The following R3HDM2 variants were observed in gnomAD, a reference collection of about 807,000 sequenced individuals.
R3HDM2 encodes the protein R3H domain containing 2.
A neutral mutation model predicts 124.5 loss-of-function variants in R3HDM2; 38 were observed. The ratio of observed to expected loss-of-function variants is 0.31; its 90% CI spans 0.24 to 0.40. The LOEUF (loss-of-function observed/expected upper bound fraction) is 0.40. Ranked by LOEUF, R3HDM2 falls within the 10% of genes least tolerant of loss-of-function variation. The pLI is 1.00. For synonymous variants in R3HDM2, 391 were observed against 448.0 expected (o/e 0.87, Z 1.61); for missense variants, 869 against 1,236.9 (o/e 0.70, Z 4.46).
intron 2 of R3HDM2, among the ~76,000 whole-genome samples, chr12:57,380,000 T>G (rs2064619709): frequency 6.6e-6 from 1 of 152,148 alleles, no homozygotes; most frequent in Non-Finnish European, 1.5e-5. Flanking sequence ...ACTCAGTAAC[T>G]CCATACATAA....
intron 3 of R3HDM2, among the ~76,000 whole-genome samples, chr12:57,309,757 C>T (rs963669641): frequency 6.6e-6 from 1 of 151,998 alleles, no homozygotes; most frequent in African/African-American, 2.4e-5. Context: ...GAACTCAGGC[C>T]CAAATAGATT....
At chr12:57,355,169 ACTT>A (rs1214844014) in intron 2 of R3HDM2, among the ~76,000 whole-genome samples, 1 of 151,952 alleles carries the variant, frequency 6.6e-6, no homozygotes, top group East Asian at 1.9e-4. Context: ...TTTAAGAAAC[ACTT>A]CTTGGCCGGG....
chr12:57,306,557 C>T (rs1455228812), intron 3 of R3HDM2, among the ~76,000 whole-genome samples: 2 of 151,932 alleles, frequency 1.3e-5, no homozygotes, highest in South Asian at 2.1e-4. Context: ...TACAGGCATG[C>T]GTCACCACAC....
At chr12:57,386,186 C>T (rs1399700510) in intron 2 of R3HDM2, among the ~76,000 whole-genome samples, 1 of 151,962 alleles carries the variant, frequency 6.6e-6, no homozygotes, top group Non-Finnish European at 1.5e-5. Context: ...TGGGGGCCTC[C>T]TCTGCCTGGG....
At chr12:57,323,263 C>T (rs550742041) in intron 2 of R3HDM2, among the ~76,000 whole-genome samples, 198 of 152,112 alleles carry the variant, frequency 1.3e-3, no homozygotes, top group Middle Eastern at 3.4e-3. Flanking sequence ...TGCCTAACAG[C>T]CGTTTGGAGA....
rs55891769 is a variant in R3HDM2, at chr12:57,264,393, TAA to T, written c.2131+2336_2131+2337del. On this transcript the variant is annotated intron_variant, in intron 19 of 23. Coordinates refer to ENST00000402412, the MANE Select transcript of R3HDM2 (RefSeq NM_001394031.1). ...CAACATGATGAAACCCTGCCTCTAC[TAA>T]AAAAAAAAAAAAAAAAAAATACAAA... Among the ~76,000 whole-genome samples the T allele has an allele frequency of 2.4e-3, 245 of 102,536 alleles. 1 individual carries two copies. Among genetic ancestry groups the T allele is most frequent in the South Asian group, 7.0e-3 (21 of 2,988 alleles). 67.3% of individuals were successfully genotyped at this position (102,536 alleles called of 152,430 possible).
intron 2 of R3HDM2, among the ~76,000 whole-genome samples, chr12:57,324,799 C>T (rs949887510): frequency 5.3e-5 from 8 of 152,150 alleles, no homozygotes; most frequent in Admixed American, 6.5e-5. Flanking sequence ...CATGATGTCC[C>T]CCACCCAGTT....
chr12:57,423,008 G>A (rs2070355140), intron 1 of R3HDM2, among the ~76,000 whole-genome samples: 1 of 151,558 alleles, frequency 6.6e-6, no homozygotes, highest in African/African-American at 2.4e-5. Context: ...AATGAAGAAT[G>A]GGCAGGAGAA....
At chr12:57,257,935 G>C in intron 21 of R3HDM2, 55 bp downstream of exon 21, 1 of 1,397,062 alleles carries the variant, frequency 7.2e-7, no homozygotes, top group Non-Finnish European at 9.5e-7. Flanking sequence ...CTGCAATTGG[G>C]AATGGGATGT....
intron 1 of R3HDM2, among the ~76,000 whole-genome samples, chr12:57,429,201 A>G: frequency 6.7e-6 from 1 of 150,090 alleles, no homozygotes; most frequent in African/African-American, 2.4e-5. Flanking sequence ...AGCCTGGGCA[A>G]CATAGCAAGA....
At chr12:57,278,514 A>G (rs1443765160) in intron 14 of R3HDM2, among the ~76,000 whole-genome samples, 1 of 152,216 alleles carries the variant, frequency 6.6e-6, no homozygotes, top group African/African-American at 2.4e-5. Context: ...CCTAGAAAAT[A>G]TTAGGACCTT....
At chr12:57,334,656 G>T (rs2058629295) in intron 2 of R3HDM2, among the ~76,000 whole-genome samples, 2 of 152,074 alleles carry the variant, frequency 1.3e-5, no homozygotes, top group Non-Finnish European at 2.9e-5. Flanking sequence ...AAAAACCCTG[G>T]AGATTTTTCC....
chr12:57,375,200 A>T (rs959778086), intron 2 of R3HDM2, among the ~76,000 whole-genome samples: 3 of 152,048 alleles, frequency 2.0e-5, no homozygotes, highest in Admixed American at 1.3e-4. Flanking sequence ...AAATAAAAAT[A>T]TACACCTCTC....
At chr12:57,338,832 A>C (rs543924899) in intron 2 of R3HDM2, among the ~76,000 whole-genome samples, 1 of 151,794 alleles carries the variant, frequency 6.6e-6, no homozygotes, top group Non-Finnish European at 1.5e-5. Flanking sequence ...GGAGAGAGAG[A>C]GAGAGAGATA....
intron 2 of R3HDM2, among the ~76,000 whole-genome samples, chr12:57,368,030 G>A (rs1306339910): frequency 1.3e-5 from 2 of 151,514 alleles, no homozygotes; most frequent in African/African-American, 2.4e-5. Flanking sequence ...TCACAGAACC[G>A]TGTTTCTTTT....
intron 10 of R3HDM2, 80 bp from the exon 11 acceptor site, chr12:57,292,747 C>T (rs1385426259): frequency 2.1e-5 from 19 of 905,900 alleles, no homozygotes; most frequent in Non-Finnish European, 2.7e-5. Flanking sequence ...GAAGAGAAAC[C>T]GGGAAAGTTT....
At position 57,269,799 on chromosome 12, in the gene R3HDM2, T is replaced by G. The variant is rs146392551; in HGVS notation, c.1540A>C (p.Thr514Pro). ...CCCTGGGGTGGCAGAACTTGCTGAGTAGGTGGTGCATGGCTAGAGGTGGAA... is the reference window on the plus strand; with the variant it reads ...CCCTGGGGTGGCAGAACTTGCTGAGGAGGTGGTGCATGGCTAGAGGTGGAA... The part of the protein sequence containing the change: ...NYSTSSHAPP[T>P]QQVLPPQGYM... The change falls in exon 15 of 24, where the codon ACT (threonine) becomes CCT (proline). Residue 514 changes from threonine (T) to proline (P), a missense_variant. Thr to Pro is a conservative substitution (Grantham distance 38). This residue lies in a region of R3HDM2 where 602 missense variants were observed against 789.2 expected (regional missense o/e 0.76). Coordinates refer to ENST00000402412, the MANE Select transcript of R3HDM2 (RefSeq NM_001394031.1). 3.7e-5 allele frequency: 60 copies of G among 1,613,760 alleles called. No individual in the cohort carries two copies. The highest frequency in any genetic ancestry group is 4.8e-5 in the Non-Finnish European group (57 of 1,179,972).
intron 2 of R3HDM2, among the ~76,000 whole-genome samples, chr12:57,312,581 T>C (rs1248498105): frequency 6.6e-6 from 1 of 152,112 alleles, no homozygotes; most frequent in Non-Finnish European, 1.5e-5. Context: ...CAAAGTCATA[T>C]AGTTGACGGC....
chr12:57,319,607 TTTACC>T (rs2055957354), intron 2 of R3HDM2, among the ~76,000 whole-genome samples: 1 of 152,168 alleles, frequency 6.6e-6, no homozygotes, highest in African/African-American at 2.4e-5. Flanking sequence ...AAAAGAAAAC[TTTACC>T]TTATTTCCTT....
Sources: allele counts gnomAD v4.1 joint callset (sites outside exome capture counted in the v4.1 genomes callset), GRCh38; gene constraint gnomAD v4.1.1; regional missense constraint gnomAD v4.1.1; transcripts MANE v1.5; gene names NCBI Gene and HGNC (gene_info 2026-07-23, HGNC 2026-07-21).